Variants in IGSF10 observed in about 807,000 individuals in gnomAD.
IGSF10 encodes calvaria mechanical force protein 608.
A neutral mutation model predicts 128.2 loss-of-function variants in IGSF10; 126 were observed. The observed-to-expected ratio is 0.98, with a 90% CI of 0.85 to 1.14. IGSF10 has a LOEUF of 1.14. Among genes scored for constraint, IGSF10 ranks in the 50% most tolerant of loss-of-function variants. IGSF10 has a pLI of 0.00. For missense variants in IGSF10, 3,295 were observed against 3,149.8 expected, an observed-to-expected ratio of 1.05 and a Z score of -1.10; for synonymous variants, 1,185 against 1,146.2, an observed-to-expected ratio of 1.03 and a Z score of -0.68.
chr3:151,528,958 G>T, the IGSF10 span, among the ~76,000 whole-genome samples: 1 of 152,144 alleles, frequency 6.6e-6, no homozygotes, highest in African/African-American at 2.4e-5. Context: ...CCACCGGCGT[G>T]AAATTCTCAT....
At chr3:151,528,779 G>A in the IGSF10 span, among the ~76,000 whole-genome samples, 31 of 149,834 alleles carry the variant, frequency 2.1e-4, no homozygotes, top group Non-Finnish European at 4.6e-4. Context: ...TGTTTGGGCA[G>A]ACACTGAGCT....
the IGSF10 span, among the ~76,000 whole-genome samples, chr3:151,578,133 C>A: frequency 4.6e-5 from 7 of 152,052 alleles, no homozygotes; most frequent in Non-Finnish European, 1.0e-4. Flanking sequence ...AAGTTGACAT[C>A]TTAGGAATTG....
the IGSF10 span, among the ~76,000 whole-genome samples, chr3:151,559,835 C>A: frequency 6.6e-6 from 1 of 152,136 alleles, no homozygotes; most frequent in South Asian, 2.1e-4. Context: ...GAGAAAAAGA[C>A]TTTACATGGG....
At chr3:151,615,373 T>C in the IGSF10 span, among the ~76,000 whole-genome samples, 2 of 152,132 alleles carry the variant, frequency 1.3e-5, no homozygotes, top group African/African-American at 2.4e-5. Context: ...AGACTTAATT[T>C]TCATTTTAAA....
the IGSF10 span, among the ~76,000 whole-genome samples, chr3:151,579,878 G>GGAAGAAAGGAAGGAAA: frequency 6.5e-3 from 913 of 141,200 alleles, 26 homozygotes; most frequent in Admixed American, 0.054. Context: ...AGGAAGGAAA[G>GGAAGAAAGGAAGGAAA]GAAGGAAGGA....
the IGSF10 span, among the ~76,000 whole-genome samples, chr3:151,575,333 G>C: frequency 4.3e-3 from 649 of 152,294 alleles, 1 homozygote; most frequent in African/African-American, 0.014. Flanking sequence ...CCTAGAAGTG[G>C]AGTCTACAGA....
At chr3:151,463,391 G>C (rs1227192319), upstream of IGSF10, among the ~76,000 whole-genome samples, 1 of 152,022 alleles carries the variant, frequency 6.6e-6, no homozygotes, top group African/African-American at 2.4e-5. Context: ...TGATGAGTAA[G>C]TGCTAAAATT....
chr3:151,448,930 A>G lies in IGSF10; in HGVS notation c.1051T>C (p.Tyr351His). ...GAAAATGAAGTATTTAGCACGATGT[A>G]GTCATTTTCTTCAGTGAATGCAATG... ...SPIAFTEEND[Y>H]IVLNTSFSTF... is the part of the protein sequence containing the mutation. Residue 351 changes from tyrosine to histidine, a missense_variant, in exon 6 of 8, where the codon TAC (tyrosine) becomes CAC (histidine). Coordinates refer to ENST00000282466, the MANE Select transcript of IGSF10 (RefSeq NM_178822.5). 1.2e-6 allele frequency: 2 copies of G among 1,614,216 alleles called. No homozygotes were observed. The highest frequency in any genetic ancestry group is 1.7e-6 in the Non-Finnish European group (2 of 1,180,038).
At chr3:151,455,383 G>A (rs1272763045) in intron 4 of IGSF10, among the ~76,000 whole-genome samples, 1 of 151,990 alleles carries the variant, frequency 6.6e-6, no homozygotes, top group Non-Finnish European at 1.5e-5. Flanking sequence ...AAAGTTCTGG[G>A]GTTACAGGTG....
chr3:151,579,964 A>T, the IGSF10 span, among the ~76,000 whole-genome samples: 1 of 152,054 alleles, frequency 6.6e-6, no homozygotes, highest in African/African-American at 2.4e-5. Flanking sequence ...AAAGATAAAG[A>T]TAAAATCTTG....
At chr3:151,506,958 G>T in the IGSF10 span, among the ~76,000 whole-genome samples, 199 of 152,200 alleles carry the variant, frequency 1.3e-3, no homozygotes, top group African/African-American at 4.5e-3. Flanking sequence ...TTAAATAGTT[G>T]GTAAAAATAG....
chr3:151,481,994 A>G, the IGSF10 span, among the ~76,000 whole-genome samples: 1 of 152,218 alleles, frequency 6.6e-6, no homozygotes, highest in African/African-American at 2.4e-5. Context: ...ATGGAACCAG[A>G]GTCACCACAC....
chr3:151,461,160 C>CT, upstream of IGSF10: 1 of 985,426 alleles, frequency 1.0e-6, no homozygotes, highest in Non-Finnish European at 1.2e-6. Context: ...CCGGGCCCCT[C>CT]TTTATGTTTA....
the IGSF10 span, among the ~76,000 whole-genome samples, chr3:151,478,720 G>T: frequency 1.4e-4 from 21 of 152,130 alleles, no homozygotes; most frequent in Non-Finnish European, 2.8e-4. Context: ...GAATCATTTT[G>T]CATTTGAGAA....
At chr3:151,499,783 T>A in the IGSF10 span, 1 of 152,178 alleles carries the variant, frequency 6.6e-6, no homozygotes, top group East Asian at 1.9e-4. Context: ...TTGTCTGAGC[T>A]CTGAAAACTG....
At position 151,437,821 on chromosome 3, in the gene IGSF10, A is replaced by G. The variant is rs755330849; in HGVS notation, c.6740T>C (p.Ile2247Thr). 8 of 1,613,850 alleles carry G rather than the reference A, an allele frequency of 5.0e-6. No individual in the cohort carries two copies. Among genetic ancestry groups the G allele is most frequent in the African/African-American group, 2.7e-5 (2 of 74,934 alleles). ...INGLYTNRTV[I>T]KATAVRHSKK... ...GGAATGTCTCACAGCTGTGGCTTTAATAACAGTTCTGTTTGTATACAGACC... is the reference window on the plus strand; with the variant it reads ...GGAATGTCTCACAGCTGTGGCTTTAGTAACAGTTCTGTTTGTATACAGACC... The change falls in exon 8 of 8, where the codon ATT (isoleucine) becomes ACT (threonine). Residue 2247 changes from isoleucine (I) to threonine (T), a missense_variant. Physicochemically the swap from Ile to Thr is moderately conservative, Grantham distance 89. Transcript: ENST00000282466.
chr3:151,497,392 A>G, the IGSF10 span, among the ~76,000 whole-genome samples: 47 of 152,270 alleles, frequency 3.1e-4, no homozygotes, highest in African/African-American at 1.1e-3. Context: ...CTTTCTCCAT[A>G]TGGCTAGCCA....
chr3:151,461,456 C>A, upstream of IGSF10: 1 of 979,300 alleles, frequency 1.0e-6, no homozygotes, highest in Non-Finnish European at 1.2e-6. Context: ...TATTTAAACC[C>A]CTCTTTTAAA....
the IGSF10 span, among the ~76,000 whole-genome samples, chr3:151,571,535 G>A: frequency 6.6e-6 from 1 of 152,158 alleles, no homozygotes; most frequent in Non-Finnish European, 1.5e-5. Flanking sequence ...TGTTATTGGT[G>A]TATAGGAATG....
Sources: gnomAD v4.1 joint callset for allele counts (sites outside exome capture counted in the v4.1 genomes callset) on GRCh38, gnomAD v4.1.1 for gene constraint, MANE v1.5 for transcripts, NCBI Gene and HGNC (gene_info 2026-07-23, HGNC 2026-07-21) for gene names.